The following BOLL variants were observed in gnomAD, a reference collection of about 807,000 sequenced individuals.
BOLL encodes boule RNA binding protein.
Under a neutral mutation model 44.4 loss-of-function variants are expected in BOLL, and 23 were observed. The ratio of observed to expected loss-of-function variants is 0.52; its 90% confidence interval spans 0.37 to 0.73. The LOEUF (loss-of-function observed/expected upper bound fraction) is 0.73, where lower values mean the gene tolerates loss of function less well. BOLL is among the 30% of genes least tolerant of loss of function. The pLI is 0.00. For synonymous variants in BOLL, 97 were observed against 110.8 expected (o/e 0.88, Z 0.78); for missense variants, 287 against 338.3 (o/e 0.85, Z 1.19).
At chr2:197,740,335 A>G (rs936783521) in intron 10 of BOLL, among the ~76,000 whole-genome samples, 1 of 152,198 alleles carries the variant, frequency 6.6e-6, no homozygotes, top group Non-Finnish European at 1.5e-5. Flanking sequence ...AGTACACTGT[A>G]TGCAGGATTC....
chr2:197,745,285 G>A (rs1030718851), intron 9 of BOLL, among the ~76,000 whole-genome samples: 4 of 151,618 alleles, frequency 2.6e-5, no homozygotes, highest in East Asian at 1.9e-4. Context: ...AAGAAAAGTC[G>A]TGAAGTTCTT....
intron 10 of BOLL, among the ~76,000 whole-genome samples, chr2:197,730,234 G>A (rs1441731587): frequency 9.0e-5 from 12 of 133,708 alleles, no homozygotes; most frequent in African/African-American, 3.6e-4. Flanking sequence ...TGAAATGAAT[G>A]AAATGAAGCG....
chr2:197,749,425 A>G (rs556136178), intron 9 of BOLL, among the ~76,000 whole-genome samples: 69 of 152,212 alleles, frequency 4.5e-4, no homozygotes, highest in African/African-American at 1.5e-3. Flanking sequence ...AGAGGTGGGT[A>G]ATAAACTCTT....
intron 10 of BOLL, 121 bp downstream of exon 10, chr2:197,742,940 G>T (rs1275897995): frequency 1.1e-5 from 6 of 557,436 alleles, no homozygotes; most frequent in Non-Finnish European, 1.7e-5. Context: ...TGCTAATTCT[G>T]TACTTCTGAT....
chr2:197,737,429 C>A (rs1051735298), intron 10 of BOLL, among the ~76,000 whole-genome samples: 14 of 152,144 alleles, frequency 9.2e-5, no homozygotes, highest in Non-Finnish European at 1.9e-4. Context: ...AGTGGGTGAG[C>A]ATTTTTTGCT....
At chr2:197,785,356 C>T, upstream of BOLL, 2 of 985,846 alleles carry the variant, frequency 2.0e-6, no homozygotes, top group South Asian at 4.7e-5. The surrounding 1 kb of genome is among the most constrained non-coding windows in gnomAD (Gnocchi z 6.7). Flanking sequence ...TGATTGGCTG[C>T]TGGCGGCGGG....
chr2:197,771,350 G>A (rs945851503), intron 6 of BOLL, among the ~76,000 whole-genome samples: 6 of 116,962 alleles, frequency 5.1e-5, no homozygotes, highest in African/African-American at 1.3e-4. Context: ...CCTGTTGTGG[G>A]GTGGGGGGAG....
chr2:197,734,078 A>G (rs1345182585), intron 10 of BOLL, among the ~76,000 whole-genome samples: 1 of 151,560 alleles, frequency 6.6e-6, no homozygotes, highest in Non-Finnish European at 1.5e-5. Flanking sequence ...CAAAGGGCTA[A>G]TATCCAGAAT....
chr2:197,752,168 T>G (rs1688292364), intron 9 of BOLL, among the ~76,000 whole-genome samples: 1 of 152,182 alleles, frequency 6.6e-6, no homozygotes, highest in African/African-American at 2.4e-5. Flanking sequence ...ATAAGAGCTA[T>G]TTATGACAAA....
In BOLL at chr2:197,727,884, C is replaced by T. The variant is rs1197363727; in HGVS notation, c.*671G>A. On this transcript the variant is annotated 3_prime_UTR_variant, in exon 11 of 11. Coordinates refer to ENST00000392296, the MANE Select transcript of BOLL (RefSeq NM_033030.6). ...AATATAGTCAAATTACATGAAAAGG[C>T]AAGAATACTGATCATGTTGATGGTA... 3 of 152,060 alleles carry T rather than the reference C, an allele frequency of 2.0e-5. No homozygotes were observed. Among genetic ancestry groups the T allele is most frequent in the Non-Finnish European group, 2.9e-5 (2 of 67,966 alleles). The allele number at this position is 152,060 out of a possible 1,614,324, so 9.4% of individuals were successfully genotyped here.
intron 6 of BOLL, among the ~76,000 whole-genome samples, 169 bp downstream of exon 6, chr2:197,771,686 C>T (rs1017022244): frequency 1.6e-4 from 24 of 151,960 alleles, no homozygotes; most frequent in Admixed American, 5.2e-4. Context: ...TACTTTACTC[C>T]CCATTTTAAG....
upstream of BOLL, chr2:197,786,185 C>A (rs1460141885): frequency 9.3e-6 from 8 of 863,884 alleles, no homozygotes; most frequent in African/African-American, 1.3e-4. This position sits in a 1 kb window ranked among gnomAD's most constrained non-coding sequence, Gnocchi z 5.9. Context: ...TGCCACCTGG[C>A]GGGTGGGGAG....
rs1394637564 is a variant in BOLL at position 197,727,541 on chromosome 2, G to A, written c.*1014C>T. On this transcript the variant is annotated 3_prime_UTR_variant, in exon 11 of 11. Coordinates refer to ENST00000392296, the MANE Select transcript of BOLL (RefSeq NM_033030.6). ...ATTTTCCAATTTTATAGTAAAAATC[G>A]GATTTAGAATCAGAATCTAAAATTT... 6.6e-6 allele frequency: 1 copy of A among 152,142 alleles called. No individual in the cohort carries two copies. Among genetic ancestry groups the A allele is most frequent in the Non-Finnish European group, 1.5e-5 (1 of 67,996 alleles). The allele number at this position is 152,142 out of a possible 1,614,324, so 9.4% of individuals were successfully genotyped here.
intron 9 of BOLL, among the ~76,000 whole-genome samples, chr2:197,744,511 C>A (rs960926064): frequency 6.6e-6 from 1 of 152,102 alleles, no homozygotes; most frequent in Non-Finnish European, 1.5e-5. Context: ...CATTGAGGAC[C>A]TTTACCCAAG....
At chr2:197,757,109 TAA>T (rs1364127873) in intron 8 of BOLL, among the ~76,000 whole-genome samples, 1 of 152,166 alleles carries the variant, frequency 6.6e-6, no homozygotes, top group African/African-American at 2.4e-5. Flanking sequence ...TACACATTTA[TAA>T]AATGCTTTCA....
intron 10 of BOLL, among the ~76,000 whole-genome samples, chr2:197,729,130 A>T (rs1407321056): frequency 6.6e-6 from 1 of 152,210 alleles, no homozygotes; most frequent in African/African-American, 2.4e-5. Flanking sequence ...ACCGTGCGCA[A>T]GCTGAAGCAG....
intron 1 of BOLL, among the ~76,000 whole-genome samples, chr2:197,784,293 T>G (rs1488997807): frequency 1.3e-5 from 2 of 150,634 alleles, no homozygotes; most frequent in African/African-American, 4.9e-5. Flanking sequence ...AAATATCTGT[T>G]GAATGACTAA....
intron 7 of BOLL, chr2:197,759,042 T>C: frequency 4.7e-6 from 7 of 1,502,814 alleles, no homozygotes; most frequent in East Asian, 2.5e-5. Flanking sequence ...GTCAGCAAGA[T>C]GGCTGACCAG....
chr2:197,785,276 A>C lies in BOLL; in HGVS notation c.-236T>G. The C allele has an allele frequency of 1.0e-6, 1 of 985,256 alleles. No homozygotes were observed. The allele number at this position is 985,256 out of a possible 1,614,324, so 61.0% of individuals were successfully genotyped here. A position where few individuals can be genotyped will look rare whatever the true frequency, so the allele number is the denominator to read the frequency against. On this transcript the variant is annotated 5_prime_UTR_variant, in exon 1 of 11. Coordinates refer to ENST00000392296, the MANE Select transcript of BOLL (RefSeq NM_033030.6). This position sits in a 1 kb window ranked among gnomAD's most constrained non-coding sequence, Gnocchi z 6.7. ...CAAATCCGCCAGCAGCAGTGGCGGG[A>C]AGCCTCAACGGCAGCGACCCCGCCG...
Sources: gnomAD v4.1 joint callset for allele counts (sites outside exome capture counted in the v4.1 genomes callset) on GRCh38, gnomAD v4.1.1 for gene constraint, Gnocchi (gnomAD v3.1) non-coding constraint, MANE v1.5 for transcripts, NCBI Gene and HGNC (gene_info 2026-07-23, HGNC 2026-07-21) for gene names.